PRR16: variants seen among roughly 807,000 people sequenced by gnomAD.
PRR16 encodes proline rich 16.
Under a neutral mutation model 18.2 loss-of-function variants are expected in PRR16, and 6 were observed. The observed-to-expected ratio is 0.33, with a 90% CI of 0.18 to 0.65. PRR16 has a LOEUF of 0.65. PRR16 is among the 30% of genes least tolerant of loss of function. The probability of loss-of-function intolerance (pLI) is 0.74; values close to 1 mark genes in which losing one functional copy is unlikely to be tolerated. For missense variants in PRR16, 412 were observed against 376.6 expected (o/e 1.09, Z -0.78); for synonymous variants, 151 against 147.8 (o/e 1.02, Z -0.16).
chr5:120,530,591 G>T (rs1456664822), intron 1 of PRR16, among the ~76,000 whole-genome samples: 1 of 151,926 alleles, frequency 6.6e-6, no homozygotes, highest in South Asian at 2.1e-4. Context: ...TAGATTAAGT[G>T]TGAGCGACTA....
intron 1 of PRR16, among the ~76,000 whole-genome samples, chr5:120,642,841 T>C (rs1755467989): frequency 2.0e-5 from 3 of 152,094 alleles, no homozygotes; most frequent in Non-Finnish European, 1.5e-5. Context: ...CATTCCTACC[T>C]TCACCTGTAT....
At chr5:120,689,064 C>A (rs1229836067), downstream of PRR16, among the ~76,000 whole-genome samples, 1 of 151,958 alleles carries the variant, frequency 6.6e-6, no homozygotes, top group African/African-American at 2.4e-5. Context: ...AAATACCATC[C>A]CCCAAATGTT....
intron 1 of PRR16, among the ~76,000 whole-genome samples, chr5:120,553,989 T>C (rs1423875379): frequency 2.0e-5 from 3 of 151,942 alleles, no homozygotes; most frequent in Non-Finnish European, 4.4e-5. Flanking sequence ...TTGTCCCTTT[T>C]TAACATTTTT....
intron 1 of PRR16, among the ~76,000 whole-genome samples, chr5:120,577,059 C>CT (rs1246968572): frequency 5.3e-5 from 8 of 151,706 alleles, no homozygotes; most frequent in East Asian, 3.9e-4. Context: ...CTGAAAGATT[C>CT]TTTTTTTTAA....
the PRR16 span, among the ~76,000 whole-genome samples, chr5:120,729,002 G>C: frequency 0.023 from 3,456 of 152,156 alleles, 146 homozygotes; most frequent in African/African-American, 0.079. Context: ...TATTCTAACA[G>C]ATGCTGCAGG....
intron 1 of PRR16, among the ~76,000 whole-genome samples, chr5:120,556,372 A>T (rs559587816): frequency 7.0e-4 from 106 of 151,258 alleles, no homozygotes; most frequent in African/African-American, 2.4e-3. Context: ...TCTTGCTCAT[A>T]CTAACCAGGA....
chr5:120,741,406 CT>C, the PRR16 span, among the ~76,000 whole-genome samples: 7 of 152,150 alleles, frequency 4.6e-5, no homozygotes, highest in East Asian at 1.3e-3. Context: ...TATCTATCAT[CT>C]ATAAACAAGG....
chr5:120,640,494 T>G (rs1467402000), intron 1 of PRR16, among the ~76,000 whole-genome samples: 8 of 152,164 alleles, frequency 5.3e-5, no homozygotes, highest in Non-Finnish European at 5.9e-5. Flanking sequence ...CCCATAATAG[T>G]CTTGTAATTC....
At chr5:120,783,732 C>G in the PRR16 span, among the ~76,000 whole-genome samples, 1 of 152,018 alleles carries the variant, frequency 6.6e-6, no homozygotes, top group Non-Finnish European at 1.5e-5. Flanking sequence ...CATTCCAAAC[C>G]CACTCTAGTT....
chr5:120,774,469 G>A, the PRR16 span, among the ~76,000 whole-genome samples: 3 of 151,936 alleles, frequency 2.0e-5, no homozygotes, highest in East Asian at 1.9e-4. Context: ...CCTCTCAAAC[G>A]GGGGCAATTT....
the PRR16 span, among the ~76,000 whole-genome samples, chr5:120,699,313 C>T: frequency 1.3e-5 from 2 of 152,004 alleles, no homozygotes; most frequent in African/African-American, 2.4e-5. Flanking sequence ...TGGTGTGTGG[C>T]GATTAGGCCT....
At chr5:120,626,980 T>G (rs959087833) in intron 1 of PRR16, among the ~76,000 whole-genome samples, 2 of 152,166 alleles carry the variant, frequency 1.3e-5, no homozygotes, top group African/African-American at 4.8e-5. Flanking sequence ...AGTTTTATCA[T>G]GTTATTATAT....
intron 1 of PRR16, among the ~76,000 whole-genome samples, chr5:120,512,779 C>T (rs1050124723): frequency 2.0e-5 from 3 of 151,932 alleles, no homozygotes; most frequent in African/African-American, 7.3e-5. Context: ...GAAAAGGAGA[C>T]CAAAGTGAGA....
the PRR16 span, among the ~76,000 whole-genome samples, chr5:120,785,760 C>T: frequency 9.6e-4 from 145 of 150,800 alleles, 2 homozygotes; most frequent in Middle Eastern, 3.4e-3. Context: ...TTAGTAGAGG[C>T]GGGGTTTCAC....
At chr5:120,644,390 T>C (rs894496707) in intron 1 of PRR16, among the ~76,000 whole-genome samples, 4 of 150,886 alleles carry the variant, frequency 2.7e-5, no homozygotes, top group South Asian at 2.1e-4. Flanking sequence ...TCTTGGAAAA[T>C]GTCAAACATT....
chr5:120,553,554 T>G (rs2112703700), intron 1 of PRR16, among the ~76,000 whole-genome samples: 1 of 152,078 alleles, frequency 6.6e-6, no homozygotes, highest in South Asian at 2.1e-4. Flanking sequence ...ATTATAATCT[T>G]TTCTTTCTTC....
the PRR16 span, among the ~76,000 whole-genome samples, chr5:120,784,675 G>C: frequency 0.061 from 9,229 of 152,240 alleles, 657 homozygotes; most frequent in African/African-American, 0.17. Flanking sequence ...TGTCTTAAGA[G>C]CTAGATTAAA....
chr5:120,758,755 A>AT, the PRR16 span, among the ~76,000 whole-genome samples: 1 of 152,118 alleles, frequency 6.6e-6, no homozygotes, highest in Non-Finnish European at 1.5e-5. Flanking sequence ...CTGTGAGTCA[A>AT]TAAACCTCCT....
the PRR16 span, among the ~76,000 whole-genome samples, chr5:120,742,319 T>C: frequency 2.7e-5 from 4 of 149,800 alleles, no homozygotes; most frequent in African/African-American, 7.3e-5. Context: ...AGTTTAGATG[T>C]CTGTGTATGC....
Sources: allele counts gnomAD v4.1 joint callset (sites outside exome capture counted in the v4.1 genomes callset), GRCh38; gene constraint gnomAD v4.1.1; transcripts MANE v1.5; gene names NCBI Gene and HGNC (gene_info 2026-07-23, HGNC 2026-07-21).